The following RBBP5 variants were observed in gnomAD, a reference collection of about 807,000 sequenced individuals.
The protein encoded by RBBP5 is retinoblastoma-binding protein 5.
RBBP5 carries 5 observed loss-of-function variants against 72.2 expected under a neutral mutation model. The ratio of observed to expected loss-of-function variants is 0.07; its 90% confidence interval spans 0.04 to 0.15. The LOEUF (loss-of-function observed/expected upper bound fraction) is 0.15, where lower values mean the gene tolerates loss of function less well. Ranked by LOEUF, RBBP5 falls within the 10% of genes least tolerant of loss-of-function variation. RBBP5 has a pLI of 1.00. For missense variants in RBBP5, 322 were observed against 652.2 expected (o/e 0.49, Z 5.51); for synonymous variants, 209 against 237.2 (o/e 0.88, Z 1.09).
intron 3 of RBBP5, 84 bp downstream of exon 3, chr1:205,114,705 T>C (rs1656454490): frequency 6.4e-6 from 8 of 1,246,782 alleles, no homozygotes; most frequent in South Asian, 1.7e-5. Flanking sequence ...AATCTAAGTA[T>C]TAAAATATCT....
intron 3 of RBBP5, among the ~76,000 whole-genome samples, chr1:205,105,745 G>C (rs1291525875): frequency 6.6e-6 from 1 of 152,218 alleles, no homozygotes; most frequent in Non-Finnish European, 1.5e-5. Flanking sequence ...TCTGCCTCAT[G>C]TTCCCCGTTC....
chr1:205,094,764 G>C (rs1387932956), intron 13 of RBBP5, 109 bp downstream of exon 13: 2 of 1,252,642 alleles, frequency 1.6e-6, no homozygotes, highest in Non-Finnish European at 2.2e-6. Flanking sequence ...CTGCTGCTGG[G>C]AAAAACGAGG....
chr1:205,093,631 C>T lies in RBBP5; in HGVS notation c.1588+1242G>A, dbSNP rs371648740. 2.6e-4 allele frequency among the ~76,000 whole-genome samples: 39 copies of T among 147,522 alleles called. No individual in the cohort carries two copies. In the East Asian group the frequency reaches 6.8e-3, roughly 26 times the overall value. ...GTGGGTTGAATGTGGACGTGGTAAC[C>T]ATCAGTGCACCACCATAAATGTTGT... On this transcript the variant is annotated intron_variant, in intron 13 of 13. Coordinates refer to ENST00000264515, the MANE Select transcript of RBBP5 (RefSeq NM_005057.4).
intron 3 of RBBP5, among the ~76,000 whole-genome samples, chr1:205,106,876 GAGA>G (rs978971398): frequency 1.2e-4 from 19 of 152,068 alleles, no homozygotes; most frequent in African/African-American, 4.6e-4. Context: ...AGAAGATACA[GAGA>G]AGAACCAAAT....
intron 3 of RBBP5, among the ~76,000 whole-genome samples, chr1:205,109,408 A>C (rs993853236): frequency 6.6e-6 from 1 of 152,178 alleles, no homozygotes; most frequent in Non-Finnish European, 1.5e-5. Context: ...AGCCCCCAAA[A>C]ATAGAAGTCT....
At chr1:205,096,510 G>T (rs1655623236) in intron 12 of RBBP5, among the ~76,000 whole-genome samples, 172 bp downstream of exon 12, 3 of 152,322 alleles carry the variant, frequency 2.0e-5, no homozygotes, top group Middle Eastern at 6.8e-3. Context: ...TCCATTTTAA[G>T]AGAGAAGTGA....
Position 205,100,082 on chromosome 1 carries a change from T to C in RBBP5, c.753-18A>G, listed in dbSNP as rs766424174. On this transcript the variant is annotated intron_variant, in intron 7 of 13. Coordinates refer to ENST00000264515, the MANE Select transcript of RBBP5 (RefSeq NM_005057.4). ...ATGGGGTCCTAAAGGACAAGGAAAG[T>C]ACCAAGGAGAGCTGGAACTCAAGCC... 49 of 1,613,654 alleles carry C rather than the reference T, an allele frequency of 3.0e-5. No homozygotes were observed. Among genetic ancestry groups the C allele is most frequent in the Non-Finnish European group, 4.0e-5 (47 of 1,179,578 alleles).
intron 2 of RBBP5, among the ~76,000 whole-genome samples, 166 bp downstream of exon 2, chr1:205,115,692 C>G (rs541078405): frequency 6.6e-6 from 1 of 152,294 alleles, no homozygotes; most frequent in East Asian, 1.9e-4. Context: ...TTGCCTATTT[C>G]CTCCCTGATC....
In RBBP5 at chr1:205,093,480, ATATATATATATATATATATATAT is replaced by A. The variant is rs1315046519; in HGVS notation, c.1588+1370_1588+1392del. ...TTTCAAAAAAAAAAAAAAAAAAAAA[ATATATATATATATATATATATAT>A]ATATATATATATATATATATATATA... is the stretch of plus-strand genomic sequence containing the variant. On this transcript the variant is annotated intron_variant, in intron 13 of 13. Transcript: ENST00000264515. Among the ~76,000 whole-genome samples, 6 of 7,772 alleles carry A rather than the reference ATATATATATATATATATATATAT, an allele frequency of 7.7e-4. 1 individual carries two copies. The highest frequency in any genetic ancestry group is 5.1e-3 in the Admixed American group (2 of 394). 5.1% of individuals were successfully genotyped at this position (7,772 alleles called of 152,430 possible). A position where few individuals can be genotyped will look rare whatever the true frequency, so the allele number is the denominator to read the frequency against.
intron 6 of RBBP5, 109 bp downstream of exon 6, chr1:205,101,491 T>C (rs1324926393): frequency 1.4e-6 from 1 of 723,128 alleles, no homozygotes; most frequent in East Asian, 3.0e-5. Context: ...CTTAAGTACA[T>C]TTTTAAAAAA....
intron 1 of RBBP5, among the ~76,000 whole-genome samples, chr1:205,117,074 C>T (rs189929343): frequency 8.6e-5 from 13 of 151,682 alleles, no homozygotes; most frequent in East Asian, 4.0e-4. Flanking sequence ...TTGTTTGAGA[C>T]GGAGTCTCGG....
At position 205,088,563 on chromosome 1, in the gene RBBP5, T is replaced by C. The variant is rs1655215639; in HGVS notation, c.*224A>G. On this transcript the variant is annotated 3_prime_UTR_variant, in exon 14 of 14. Transcript: ENST00000264515. The stretch of plus-strand genomic sequence containing the variant: ...TATCTGATGTCTTCACAAATCTTCA[T>C]TCCTGAGAGTCTATTTGGACTTATG... 1.2e-5 allele frequency: 6 copies of C among 505,636 alleles called. No individual in the cohort carries two copies. The East Asian group carries it at 2.2e-4, about 18-fold the overall frequency. The allele number at this position is 505,636 out of a possible 1,614,324, so 31.3% of individuals were successfully genotyped here. A position where few individuals can be genotyped will look rare whatever the true frequency, so the allele number is the denominator to read the frequency against.
Position 205,095,040 on chromosome 1 carries a change from T to C in RBBP5, c.1421A>G (p.Lys474Arg). 6.2e-7 allele frequency: 1 copy of C among 1,614,122 alleles called. No homozygotes were observed. The highest frequency in any genetic ancestry group is 8.5e-7 in the Non-Finnish European group (1 of 1,180,018). Residue 474 changes from lysine to arginine, a missense_variant, in exon 13 of 14, where the codon AAG (lysine) becomes AGG (arginine). Lys to Arg is a conservative substitution (Grantham distance 26, BLOSUM62 2). Transcript: ENST00000264515. ...NDEVHPLLGV[K>R]GDGKSKKKQA... Reference sequence around the variant, plus strand: ...CTTCTTCTTGGATTTGCCATCCCCCTTCACACCCAGTAGTGGATGGACTTC... The same window carrying C: ...CTTCTTCTTGGATTTGCCATCCCCCCTCACACCCAGTAGTGGATGGACTTC...
At chr1:205,104,974 G>A in intron 4 of RBBP5, 54 bp downstream of exon 4, 2 of 1,572,322 alleles carry the variant, frequency 1.3e-6, no homozygotes, top group Non-Finnish European at 1.7e-6. Flanking sequence ...TGAGCCCAGA[G>A]CTAATCCATA....
chr1:205,115,073 C>T (rs1656469004), intron 2 of RBBP5, 112 bp from the exon 3 acceptor site: 1 of 961,476 alleles, frequency 1.0e-6, no homozygotes, highest in Non-Finnish European at 1.6e-6. Context: ...AATTACACTG[C>T]ATACCAAATA....
chr1:205,088,832 C>G lies in RBBP5; in HGVS notation c.1589-17G>C. On this transcript the variant is annotated splice_polypyrimidine_tract_variant and intron_variant, in intron 13 of 13. Transcript: ENST00000264515. Reference sequence around the variant, plus strand: ...CTCCTCCTGCTAAAGAGATTAGACACAAAAAGATTTCTTTTAGCTTCAATT... The same window carrying G: ...CTCCTCCTGCTAAAGAGATTAGACAGAAAAAGATTTCTTTTAGCTTCAATT... 1 of 1,563,364 alleles carries G rather than the reference C, an allele frequency of 6.4e-7. No homozygotes were observed. Among genetic ancestry groups the G allele is most frequent in the Non-Finnish European group, 8.7e-7 (1 of 1,155,058 alleles).
intron 3 of RBBP5, among the ~76,000 whole-genome samples, chr1:205,109,781 C>T (rs1656231843): frequency 6.6e-6 from 1 of 152,074 alleles, no homozygotes; most frequent in Admixed American, 6.6e-5. Context: ...AGCTTCTTTC[C>T]CAAAAACAGA....
chr1:205,114,423 C>A (rs1206007789), intron 3 of RBBP5, among the ~76,000 whole-genome samples: 1 of 152,202 alleles, frequency 6.6e-6, no homozygotes, highest in African/African-American at 2.4e-5. Flanking sequence ...ACTAAAATTA[C>A]TGGAATTCAG....
chr1:205,115,392 C>T (rs1656480848), intron 2 of RBBP5, among the ~76,000 whole-genome samples: 1 of 152,064 alleles, frequency 6.6e-6, no homozygotes, highest in African/African-American at 2.4e-5. Context: ...GCCTACAATG[C>T]ATAACATTAG....
Sources: gnomAD v4.1 joint callset for allele counts (sites outside exome capture counted in the v4.1 genomes callset) on GRCh38, gnomAD v4.1.1 for gene constraint, MANE v1.5 for transcripts, NCBI Gene and HGNC (gene_info 2026-07-23, HGNC 2026-07-21) for gene names.